The following THSD7B variants were observed in gnomAD, a reference collection of about 807,000 sequenced individuals.
THSD7B encodes the protein thrombospondin type 1 domain containing 7B, also known as thrombospondin type-1 domain-containing protein 7B.
In THSD7B, 138 loss-of-function variants were observed where a neutral mutation model predicts 213.6. That is an observed-to-expected ratio of 0.65 (90% CI 0.56 to 0.74). The LOEUF is 0.74. Among genes scored for constraint, THSD7B ranks in the 30% least tolerant of loss-of-function variants. The pLI, the probability that THSD7B is intolerant of heterozygous loss-of-function variation, is 0.00. For synonymous variants in THSD7B, 742 were observed against 687.0 expected (o/e 1.08, Z -1.25); for missense variants, 1,931 against 1,991.5 (o/e 0.97, Z 0.58).
intron 1 of THSD7B, among the ~76,000 whole-genome samples, chr2:136,858,196 G>A (rs954084868): frequency 2.0e-5 from 3 of 152,156 alleles, no homozygotes; most frequent in Non-Finnish European, 2.9e-5. Context: ...CATTTAAAGC[G>A]ATGATTATTA....
chr2:137,317,171 T>G (rs1469609902), intron 12 of THSD7B, among the ~76,000 whole-genome samples: 13 of 152,216 alleles, frequency 8.5e-5, no homozygotes, highest in Non-Finnish European at 1.5e-4. Flanking sequence ...TCAGGTATTA[T>G]TTTCATCAGT....
chr2:137,559,884 T>C (rs1231589126), intron 15 of THSD7B, among the ~76,000 whole-genome samples: 1 of 151,994 alleles, frequency 6.6e-6, no homozygotes, highest in Non-Finnish European at 1.5e-5. Flanking sequence ...AACAGCCCCA[T>C]CAACAAGTGG....
intron 2 of THSD7B, among the ~76,000 whole-genome samples, chr2:137,035,155 C>G (rs10182444): frequency 0.58 from 88,651 of 152,028 alleles, 29,698 homozygotes; most frequent in Non-Finnish European, 0.73. Context: ...TATCGTTTCC[C>G]TTTTTTTGGA....
intron 7 of THSD7B, among the ~76,000 whole-genome samples, chr2:137,222,761 G>T (rs1253638597): frequency 6.6e-6 from 1 of 152,196 alleles, no homozygotes; most frequent in Non-Finnish European, 1.5e-5. Context: ...GTATAGAAGA[G>T]TGCTTTGTAA....
At chr2:137,257,518 G>A (rs893496048) in intron 10 of THSD7B, among the ~76,000 whole-genome samples, 1 of 152,072 alleles carries the variant, frequency 6.6e-6, no homozygotes, top group Non-Finnish European at 1.5e-5. Context: ...TCAGGATCAG[G>A]GACAAAATTT....
intron 17 of THSD7B, among the ~76,000 whole-genome samples, chr2:137,578,890 A>G (rs1050038966): frequency 6.6e-6 from 1 of 152,230 alleles, no homozygotes; most frequent in Admixed American, 6.5e-5. Context: ...TGGAAAAGAA[A>G]TGAATAGAGA....
chr2:136,947,544 T>C (rs1186779371), intron 2 of THSD7B, among the ~76,000 whole-genome samples: 1 of 152,176 alleles, frequency 6.6e-6, no homozygotes, highest in Non-Finnish European at 1.5e-5. Flanking sequence ...ACATTTCTGA[T>C]GATAGACGAC....
chr2:137,250,978 T>G lies in THSD7B; in HGVS notation c.2266+8406T>G, dbSNP rs528687474. Among the ~76,000 whole-genome samples the G allele has an allele frequency of 5.3e-5, 8 of 152,310 alleles. No individual in the cohort carries two copies. In the East Asian group the frequency reaches 1.5e-3, roughly 29 times the overall value. On this transcript the variant is annotated intron_variant, in intron 10 of 27. Transcript: ENST00000409968. Reference sequence around the variant, plus strand: ...CTGTCTGAAATGTTTGCAGTCTGGCTATTGGTAAAGGTGTTTTGTGTTCCT... The same window carrying G: ...CTGTCTGAAATGTTTGCAGTCTGGCGATTGGTAAAGGTGTTTTGTGTTCCT...
intron 12 of THSD7B, among the ~76,000 whole-genome samples, chr2:137,280,779 C>A (rs1415100256): frequency 6.6e-6 from 1 of 152,034 alleles, no homozygotes; most frequent in South Asian, 2.1e-4. Context: ...AATACGCTTT[C>A]TAGAAACTGC....
chr2:136,885,802 A>T (rs750010872), intron 2 of THSD7B, among the ~76,000 whole-genome samples: 1 of 152,206 alleles, frequency 6.6e-6, no homozygotes, highest in South Asian at 2.1e-4. Flanking sequence ...CTCGGTCCTC[A>T]TAAAGAGGGC....
chr2:137,323,343 C>G (rs1486044171), intron 12 of THSD7B, among the ~76,000 whole-genome samples: 1 of 152,126 alleles, frequency 6.6e-6, no homozygotes, highest in African/African-American at 2.4e-5. Flanking sequence ...GCCCTGGCTC[C>G]CAGTTCCTGT....
At chr2:136,870,149 A>G (rs959765353) in intron 1 of THSD7B, among the ~76,000 whole-genome samples, 2 of 151,922 alleles carry the variant, frequency 1.3e-5, no homozygotes, top group African/African-American at 4.8e-5. Context: ...GTTGGGTAAG[A>G]TATCATTACC....
At chr2:137,052,544 A>G (rs553652628) in intron 2 of THSD7B, among the ~76,000 whole-genome samples, 7 of 152,210 alleles carry the variant, frequency 4.6e-5, no homozygotes, top group African/African-American at 1.4e-4. Flanking sequence ...AATATATAAT[A>G]CATATATATT....
At position 137,451,588 on chromosome 2, in the gene THSD7B, A is replaced by G. The variant is rs181198438; in HGVS notation, c.3138+565A>G. ...AAAAATCATAGATATTTTCATAAAT[A>G]AAACCATGATAGATCCCTTTCCATA... On this transcript the variant is annotated intron_variant, in intron 15 of 27. Transcript: ENST00000409968. 2.7e-4 allele frequency among the ~76,000 whole-genome samples: 41 copies of G among 152,216 alleles called. 1 individual carries two copies. In the East Asian group the frequency reaches 7.5e-3, roughly 28 times the overall value.
chr2:137,528,818 C>T (rs1261008828), intron 15 of THSD7B, among the ~76,000 whole-genome samples: 1 of 152,004 alleles, frequency 6.6e-6, no homozygotes, highest in Non-Finnish European at 1.5e-5. Context: ...AGCTTCTGAC[C>T]TGCCAGAGTC....
chr2:137,516,402 C>T (rs903244982), intron 15 of THSD7B, among the ~76,000 whole-genome samples: 8 of 152,194 alleles, frequency 5.3e-5, no homozygotes, highest in Admixed American at 4.6e-4. Context: ...GACCCCACTA[C>T]ATTACCAACA....
intron 3 of THSD7B, among the ~76,000 whole-genome samples, chr2:137,090,860 T>A (rs1380975268): frequency 2.0e-5 from 3 of 152,222 alleles, no homozygotes; most frequent in African/African-American, 4.8e-5. Flanking sequence ...TTCTCTCTGC[T>A]GATAATGAAG....
chr2:137,668,475 C>G (rs944754573), intron 27 of THSD7B, among the ~76,000 whole-genome samples: 2 of 150,584 alleles, frequency 1.3e-5, no homozygotes, highest in Admixed American at 6.6e-5. Context: ...TGTAAAGTGA[C>G]TAGTTCTGAG....
chr2:137,608,488 A>G (rs1469921086), intron 17 of THSD7B, among the ~76,000 whole-genome samples: 1 of 152,142 alleles, frequency 6.6e-6, no homozygotes, highest in Non-Finnish European at 1.5e-5. Context: ...TTAGATATCT[A>G]CTATAAACTT....
Sources: gnomAD v4.1 joint callset for allele counts (sites outside exome capture counted in the v4.1 genomes callset) on GRCh38, gnomAD v4.1.1 for gene constraint, MANE v1.5 for transcripts, NCBI Gene and HGNC (gene_info 2026-07-23, HGNC 2026-07-21) for gene names.